Variants in RASEF observed in about 807,000 individuals in gnomAD.
The protein encoded by RASEF is RAS and EF-hand domain containing.
Under a neutral mutation model 90.1 loss-of-function variants are expected in RASEF, and 68 were observed. That is an observed-to-expected ratio of 0.75 (90% confidence interval 0.62 to 0.92). The LOEUF (loss-of-function observed/expected upper bound fraction) is 0.92. Among genes scored for constraint, RASEF ranks in the 40% least tolerant of loss-of-function variants. The probability of loss-of-function intolerance (pLI) is 0.00; values close to 1 mark genes in which losing one functional copy is unlikely to be tolerated. For synonymous variants in RASEF, 331 were observed against 345.2 expected (o/e 0.96, Z 0.46); for missense variants, 949 against 937.2 (o/e 1.01, Z -0.16).
the RASEF span, among the ~76,000 whole-genome samples, chr9:83,210,854 C>T: frequency 2.6e-5 from 4 of 152,226 alleles, no homozygotes; most frequent in African/African-American, 7.2e-5. Context: ...AAAACTGAGA[C>T]TATCCCAGAC....
At chr9:83,085,984 C>T in the RASEF span, among the ~76,000 whole-genome samples, 548 of 152,016 alleles carry the variant, frequency 3.6e-3, 2 homozygotes, top group African/African-American at 0.013. Flanking sequence ...TAACTAATGA[C>T]GTGTATGTGA....
chr9:83,184,052 G>A, the RASEF span, among the ~76,000 whole-genome samples: 1 of 152,218 alleles, frequency 6.6e-6, no homozygotes, highest in Non-Finnish European at 1.5e-5. Context: ...CACACTTGGA[G>A]AACAGGAGTT....
At chr9:83,146,477 G>C in the RASEF span, among the ~76,000 whole-genome samples, 1 of 152,090 alleles carries the variant, frequency 6.6e-6, no homozygotes, top group Non-Finnish European at 1.5e-5. Flanking sequence ...CTACTTGCTT[G>C]TTATTACAGC....
At chr9:82,999,272 G>C (rs1002575803) in intron 12 of RASEF, among the ~76,000 whole-genome samples, 1 of 152,168 alleles carries the variant, frequency 6.6e-6, no homozygotes, top group Non-Finnish European at 1.5e-5. Flanking sequence ...GTGGGTAACG[G>C]ATCATATATC....
chr9:83,035,372 C>T (rs1318106823), intron 1 of RASEF, among the ~76,000 whole-genome samples: 1 of 152,126 alleles, frequency 6.6e-6, no homozygotes, highest in Non-Finnish European at 1.5e-5. Flanking sequence ...TGTGCTGACC[C>T]GTTACCATCT....
chr9:83,155,988 T>A, the RASEF span, among the ~76,000 whole-genome samples: 2 of 152,180 alleles, frequency 1.3e-5, no homozygotes, highest in African/African-American at 4.8e-5. Flanking sequence ...TATATGGCCC[T>A]GGGATTCCTT....
intron 2 of RASEF, 150 bp from the exon 3 acceptor site, chr9:83,022,576 AAAATGAG>A: frequency 1.6e-6 from 1 of 635,302 alleles, no homozygotes. Flanking sequence ...TCTACATAAT[AAAATGAG>A]ATTGGCAATT....
chr9:83,107,048 AACATACTGCCCTCTCTAGAATGTCT>A, the RASEF span, among the ~76,000 whole-genome samples: 1 of 152,192 alleles, frequency 6.6e-6, no homozygotes, highest in Non-Finnish European at 1.5e-5. Flanking sequence ...TCATCTGGTC[AACATACTGCCCTCTCTAGAATGTCT>A]ACTCCAAATC....
the RASEF span, among the ~76,000 whole-genome samples, chr9:83,117,527 G>C: frequency 1.3e-5 from 2 of 152,192 alleles, no homozygotes; most frequent in Non-Finnish European, 2.9e-5. Flanking sequence ...AACAATAGCT[G>C]CTGCTCTGGC....
the RASEF span, among the ~76,000 whole-genome samples, chr9:83,142,235 C>T: frequency 6.6e-6 from 1 of 152,194 alleles, no homozygotes; most frequent in African/African-American, 2.4e-5. Flanking sequence ...CAAGCTTCCT[C>T]TGTGGAAAAA....
At chr9:82,990,099 C>G (rs141618436) in intron 16 of RASEF, among the ~76,000 whole-genome samples, 73 of 152,274 alleles carry the variant, frequency 4.8e-4, no homozygotes, top group African/African-American at 1.7e-3. Flanking sequence ...TGTATAAAAT[C>G]TGCTTCCTGG....
chr9:83,134,762 C>T, the RASEF span, among the ~76,000 whole-genome samples: 1 of 152,126 alleles, frequency 6.6e-6, no homozygotes, highest in East Asian at 1.9e-4. Flanking sequence ...TAAGGGTACA[C>T]CCAAGAGAAT....
chr9:83,123,996 G>T, the RASEF span, among the ~76,000 whole-genome samples: 1 of 152,082 alleles, frequency 6.6e-6, no homozygotes, highest in Non-Finnish European at 1.5e-5. Flanking sequence ...TCTACTTTTT[G>T]TCTTATGAAT....
chr9:83,010,382 GC>G (rs1256102987), intron 5 of RASEF, among the ~76,000 whole-genome samples: 1 of 152,162 alleles, frequency 6.6e-6, no homozygotes, highest in African/African-American at 2.4e-5. Context: ...TGGAAGAGCA[GC>G]CCAGAGCATT....
At chr9:83,023,402 G>T (rs978031625) in intron 2 of RASEF, among the ~76,000 whole-genome samples, 5 of 152,202 alleles carry the variant, frequency 3.3e-5, no homozygotes, top group Middle Eastern at 3.4e-3. Flanking sequence ...TAAATGACAG[G>T]GCTTAAATAT....
the RASEF span, among the ~76,000 whole-genome samples, chr9:83,092,022 TTTTTTTTTTG>T: frequency 2.1e-5 from 3 of 140,862 alleles, no homozygotes; most frequent in African/African-American, 8.1e-5. Context: ...TTTTTTTTTT[TTTTTTTTTTG>T]CTATTTATCT....
chr9:83,102,937 G>A, the RASEF span, among the ~76,000 whole-genome samples: 6 of 152,082 alleles, frequency 3.9e-5, no homozygotes, highest in Non-Finnish European at 8.8e-5. Flanking sequence ...GCCCTGGGAG[G>A]GACAGTCTCT....
intron 14 of RASEF, among the ~76,000 whole-genome samples, chr9:82,993,634 G>A (rs1828855697): frequency 6.6e-6 from 1 of 152,316 alleles, no homozygotes; most frequent in East Asian, 1.9e-4. Flanking sequence ...AAATATAAAA[G>A]TCCTGAAGGT....
intron 2 of RASEF, among the ~76,000 whole-genome samples, chr9:83,023,582 A>G (rs1829482237): frequency 6.6e-6 from 1 of 152,202 alleles, no homozygotes; most frequent in Admixed American, 6.5e-5. Context: ...AATTTTCAGT[A>G]ACATTATTAT....
Sources: gnomAD v4.1 joint callset for allele counts (sites outside exome capture counted in the v4.1 genomes callset) on GRCh38, gnomAD v4.1.1 for gene constraint, MANE v1.5 for transcripts, NCBI Gene and HGNC (gene_info 2026-07-23, HGNC 2026-07-21) for gene names.